HADHB: variants seen among roughly 807,000 people sequenced by gnomAD.
The protein encoded by HADHB is trifunctional enzyme subunit beta, mitochondrial.
A neutral mutation model predicts 61.9 loss-of-function variants in HADHB; 50 were observed. The observed-to-expected ratio is 0.81, with a 90% CI of 0.64 to 1.02. HADHB has a LOEUF of 1.02. HADHB is among the 50% of genes least tolerant of loss of function. The pLI is 0.00. For synonymous variants in HADHB, 191 were observed against 201.6 expected, an observed-to-expected ratio of 0.95 and a Z score of 0.45; for missense variants, 504 against 586.5, an observed-to-expected ratio of 0.86 and a Z score of 1.45.
At position 26,290,181 on chromosome 2, in the gene HADHB, G is replaced by A. The variant is rs548868188; in HGVS notation, c.*228G>A. ...TCTAAGCCACCAGAATCTCACATGA[G>A]ATGTGTGGGTGGTTGTTTTTGGTCT... On this transcript the variant is annotated 3_prime_UTR_variant, in exon 16 of 16. Coordinates refer to ENST00000317799, the MANE Select transcript of HADHB (RefSeq NM_000183.3). 157 of 575,650 alleles carry A rather than the reference G, an allele frequency of 2.7e-4. 1 individual carries two copies. In the South Asian group the frequency reaches 3.1e-3, roughly 11 times the overall value. The allele number at this position is 575,650 out of a possible 1,614,324, so 35.7% of individuals were successfully genotyped here. A position where few individuals can be genotyped will look rare whatever the true frequency, so the allele number is the denominator to read the frequency against.
chr2:26,277,098 A>T lies in HADHB; in HGVS notation c.380A>T (p.Asp127Val). The T allele has an allele frequency of 6.2e-7, 1 of 1,603,660 alleles. No individual in the cohort carries two copies. The highest frequency in any genetic ancestry group is 2.2e-5 in the East Asian group (1 of 44,828). ...GCTGCCCTTGGAGCTGGCTTCTCTG[A>T]CAAGACTCCTGCTCACACTGTCACC... is the stretch of plus-strand genomic sequence containing the variant. Reference protein sequence around the residue: ...REAALGAGFSDKTPAHTVTMA... With the variant: ...REAALGAGFSVKTPAHTVTMA... The change falls in exon 7 of 16, where the codon GAC (aspartate) becomes GTC (valine). Residue 127 changes from aspartate (D) to valine (V), a missense_variant. Physicochemically the swap from Asp to Val is radical, Grantham distance 152. Coordinates refer to ENST00000317799, the MANE Select transcript of HADHB (RefSeq NM_000183.3).
intron 3 of HADHB, among the ~76,000 whole-genome samples, chr2:26,257,502 G>A (rs909808357): frequency 2.6e-5 from 4 of 152,076 alleles, no homozygotes; most frequent in Admixed American, 1.3e-4. Flanking sequence ...CAGTTTATTG[G>A]GGGAGGGGGC....
At chr2:26,258,560 C>T (rs1406247653) in intron 3 of HADHB, among the ~76,000 whole-genome samples, 2 of 152,178 alleles carry the variant, frequency 1.3e-5, no homozygotes, top group African/African-American at 4.8e-5. Flanking sequence ...GGGTGGAAGT[C>T]AACAGCGGGT....
chr2:26,280,148 A>G (rs757877053), intron 10 of HADHB, 33 bp downstream of exon 10: 2 of 1,568,168 alleles, frequency 1.3e-6, no homozygotes, highest in East Asian at 2.2e-5. Context: ...TTTAGTAGTG[A>G]CTTTTCTATT....
At chr2:26,286,825 T>G (rs1224914521) in intron 15 of HADHB, among the ~76,000 whole-genome samples, 1 of 151,242 alleles carries the variant, frequency 6.6e-6, no homozygotes. Context: ...TTTTTTTTTT[T>G]TTTTTTAATC....
intron 1 of HADHB, among the ~76,000 whole-genome samples, chr2:26,247,291 G>C (rs1487602960): frequency 6.6e-6 from 1 of 152,100 alleles, no homozygotes; most frequent in Non-Finnish European, 1.5e-5. Flanking sequence ...CAAAATTTCT[G>C]TTTTCTGAAG....
intron 10 of HADHB, among the ~76,000 whole-genome samples, chr2:26,280,518 A>C (rs748612316): frequency 1.3e-5 from 2 of 152,220 alleles, no homozygotes; most frequent in Non-Finnish European, 2.9e-5. Flanking sequence ...TGAGCAGCAA[A>C]TCTTGAAGGA....
chr2:26,275,816 A>AAAGT (rs1672516365), intron 6 of HADHB, among the ~76,000 whole-genome samples: 1 of 152,168 alleles, frequency 6.6e-6, no homozygotes, highest in Admixed American at 6.5e-5. Context: ...AAATAGCATA[A>AAAGT]AAGTAAGTAA....
intron 3 of HADHB, among the ~76,000 whole-genome samples, chr2:26,257,077 G>A (rs1671642669): frequency 6.7e-6 from 1 of 149,844 alleles, no homozygotes; most frequent in Non-Finnish European, 1.5e-5. Context: ...TTGCCTTGTT[G>A]ATCTTGCGTC....
chr2:26,256,155 A>G (rs1451314301), intron 3 of HADHB, among the ~76,000 whole-genome samples: 2 of 152,250 alleles, frequency 1.3e-5, no homozygotes, highest in Non-Finnish European at 2.9e-5. Flanking sequence ...GTGTCCCACA[A>G]GTAACTTGCA....
At chr2:26,258,009 C>T (rs1451377699) in intron 3 of HADHB, among the ~76,000 whole-genome samples, 1 of 151,608 alleles carries the variant, frequency 6.6e-6, no homozygotes, top group Non-Finnish European at 1.5e-5. Flanking sequence ...CAGAGCAAGA[C>T]TCTGTCTCAA....
At chr2:26,258,607 C>T (rs972586727) in intron 3 of HADHB, among the ~76,000 whole-genome samples, 3 of 152,082 alleles carry the variant, frequency 2.0e-5, no homozygotes, top group Non-Finnish European at 2.9e-5. Flanking sequence ...GTGACAGTGG[C>T]GAACAGCAGT....
At chr2:26,255,032 G>T (rs756118579) in intron 3 of HADHB, 7 of 156,640 alleles carry the variant, frequency 4.5e-5, no homozygotes, top group Non-Finnish European at 8.5e-5. Context: ...CAATGAATTA[G>T]GCTTCTTTAC....
chr2:26,252,905 G>A (rs1173399117), intron 1 of HADHB, among the ~76,000 whole-genome samples: 1 of 152,210 alleles, frequency 6.6e-6, no homozygotes, highest in Non-Finnish European at 1.5e-5. Flanking sequence ...CCCATGGACT[G>A]TGCCAGTTCT....
intron 1 of HADHB, among the ~76,000 whole-genome samples, chr2:26,251,865 A>G (rs557078338): frequency 2.0e-5 from 3 of 152,364 alleles, no homozygotes; most frequent in East Asian, 1.9e-4. Flanking sequence ...TGTGTAGCCA[A>G]TTACCGCCAA....
At position 26,244,946 on chromosome 2, in the gene HADHB, C is replaced by G; in HGVS notation, c.-53C>G. The stretch of plus-strand genomic sequence containing the variant: ...GTCCCGCAGAGCCTTGGTACTTGGA[C>G]CTGAACCTTGCTCCGAGAGGGAGTC... On this transcript the variant is annotated 5_prime_UTR_variant, in exon 1 of 16. Coordinates refer to ENST00000317799, the MANE Select transcript of HADHB (RefSeq NM_000183.3). The G allele has an allele frequency of 2.6e-6, 1 of 383,270 alleles. No homozygotes were observed. The highest frequency in any genetic ancestry group is 2.4e-5 in the South Asian group (1 of 41,002). 23.7% of individuals were successfully genotyped at this position (383,270 alleles called of 1,614,324 possible). A position where few individuals can be genotyped will look rare whatever the true frequency, so the allele number is the denominator to read the frequency against.
intron 4 of HADHB, among the ~76,000 whole-genome samples, chr2:26,266,998 A>G (rs540509410): frequency 6.6e-6 from 1 of 151,684 alleles, no homozygotes; most frequent in Admixed American, 6.6e-5. Context: ...GGATTTACCT[A>G]TGAAAAATTT....
chr2:26,260,125 A>T (rs1287420767), intron 3 of HADHB, among the ~76,000 whole-genome samples: 1 of 137,658 alleles, frequency 7.3e-6, no homozygotes, highest in Non-Finnish European at 1.5e-5. Flanking sequence ...TCTGTCACCC[A>T]GGCTGGAGTG....
chr2:26,249,184 G>C (rs1238022705), intron 1 of HADHB, among the ~76,000 whole-genome samples: 1 of 152,110 alleles, frequency 6.6e-6, no homozygotes, highest in African/African-American at 2.4e-5. Context: ...CATGTATCAG[G>C]AAGGAGTCTT....
Sources: gnomAD v4.1 joint callset for allele counts (sites outside exome capture counted in the v4.1 genomes callset) on GRCh38, gnomAD v4.1.1 for gene constraint, MANE v1.5 for transcripts, NCBI Gene and HGNC (gene_info 2026-07-23, HGNC 2026-07-21) for gene names.